PAM: variants seen among roughly 807,000 people sequenced by gnomAD.
PAM encodes peptidylglycine alpha-amidating monooxygenase, also known as peptidyl-glycine alpha-amidating monooxygenase.
In PAM, 72 loss-of-function variants were observed where a neutral mutation model predicts 122.1. The observed-to-expected ratio is 0.59, with a 90% confidence interval of 0.49 to 0.72. PAM has a LOEUF of 0.72. PAM is among the 30% of genes least tolerant of loss of function. PAM has a pLI of 0.00. For missense variants in PAM, 1,106 were observed against 1,183.7 expected, an observed-to-expected ratio of 0.93 and a Z score of 0.96; for synonymous variants, 389 against 404.4, an observed-to-expected ratio of 0.96 and a Z score of 0.46.
chr5:102,830,368 C>T (rs1775065609), intron 1 of PAM, among the ~76,000 whole-genome samples: 1 of 152,138 alleles, frequency 6.6e-6, no homozygotes, highest in Non-Finnish European at 1.5e-5. Context: ...TGGCTTATTT[C>T]ACCACTGTAC....
chr5:102,877,687 T>G (rs949085825), intron 3 of PAM, among the ~76,000 whole-genome samples: 2 of 152,120 alleles, frequency 1.3e-5, no homozygotes, highest in African/African-American at 4.8e-5. Context: ...AGAGAAAAAT[T>G]TATACACTAT....
chr5:102,962,119 A>C (rs1421442132), intron 14 of PAM, among the ~76,000 whole-genome samples: 1 of 151,794 alleles, frequency 6.6e-6, no homozygotes, highest in Non-Finnish European at 1.5e-5. Flanking sequence ...CAAAAATATC[A>C]CTCTTGTATG....
rs1286045373 is a variant in PAM, at chr5:102,915,592, T to G, written c.356+1571T>G. On this transcript the variant is annotated intron_variant, in intron 5 of 25. Transcript: ENST00000438793. Reference sequence around the variant, plus strand: ...ATTCTGTGACAGCTTTTCCTGAATCTTATTCAGTAAATCACATCCTTTGGT... The same window carrying G: ...ATTCTGTGACAGCTTTTCCTGAATCGTATTCAGTAAATCACATCCTTTGGT... Among the ~76,000 whole-genome samples, 2 of 152,208 alleles carry G rather than the reference T, an allele frequency of 1.3e-5. 1 individual carries two copies. Among genetic ancestry groups the G allele is most frequent in the Non-Finnish European group, 2.9e-5 (2 of 68,034 alleles).
At chr5:102,884,603 CTT>C (rs932623451) in intron 3 of PAM, among the ~76,000 whole-genome samples, 8 of 151,994 alleles carry the variant, frequency 5.3e-5, no homozygotes, top group South Asian at 2.1e-4. Context: ...GAAAAATTCT[CTT>C]TGTTTCACTT....
chr5:102,914,389 A>G (rs1391596837), intron 5 of PAM, among the ~76,000 whole-genome samples: 1 of 152,086 alleles, frequency 6.6e-6, no homozygotes, highest in Non-Finnish European at 1.5e-5. Context: ...AAACTCCAGC[A>G]TCACACAATA....
At chr5:102,925,991 C>G (rs1332822838) in intron 6 of PAM, among the ~76,000 whole-genome samples, 3 of 152,142 alleles carry the variant, frequency 2.0e-5, no homozygotes, top group South Asian at 4.2e-4. Flanking sequence ...AAAAGTAATG[C>G]CACTTAAATG....
chr5:102,955,795 C>T (rs2150152650), intron 12 of PAM, among the ~76,000 whole-genome samples: 2 of 151,770 alleles, frequency 1.3e-5, no homozygotes, highest in East Asian at 3.9e-4. Flanking sequence ...AGTTGAATTG[C>T]ATATGTTGAT....
At chr5:102,930,078 G>GT (rs908796353) in intron 7 of PAM, among the ~76,000 whole-genome samples, 2 of 151,900 alleles carry the variant, frequency 1.3e-5, no homozygotes, top group Admixed American at 6.6e-5. Flanking sequence ...GCTTTACTTT[G>GT]TTTTTTTGTT....
chr5:102,902,763 G>T (rs1798362059), intron 4 of PAM, among the ~76,000 whole-genome samples: 1 of 151,306 alleles, frequency 6.6e-6, no homozygotes, highest in Non-Finnish European at 1.5e-5. Context: ...AAGTTCAGGG[G>T]TTGTTTTGAG....
intron 15 of PAM, among the ~76,000 whole-genome samples, chr5:102,985,388 C>A (rs1771457114): frequency 6.6e-6 from 1 of 151,848 alleles, no homozygotes; most frequent in Non-Finnish European, 1.5e-5. Context: ...GGCATAGCAA[C>A]AAATACCACA....
chr5:102,908,404 T>C (rs1800279714), intron 4 of PAM, among the ~76,000 whole-genome samples: 1 of 151,880 alleles, frequency 6.6e-6, no homozygotes, highest in Non-Finnish European at 1.5e-5. Context: ...AGTCAGGTAG[T>C]GTGATGCCTC....
At chr5:102,843,370 A>T (rs1483456846) in intron 1 of PAM, among the ~76,000 whole-genome samples, 1 of 152,206 alleles carries the variant, frequency 6.6e-6, no homozygotes. Flanking sequence ...ACAAAAACGA[A>T]CACAAAATAG....
chr5:102,848,176 T>TC (rs998729702), intron 1 of PAM, among the ~76,000 whole-genome samples: 15 of 152,140 alleles, frequency 9.9e-5, no homozygotes, highest in Admixed American at 3.9e-4. Flanking sequence ...CTTTTTTTTT[T>TC]CTCTAAGCAG....
intron 1 of PAM, among the ~76,000 whole-genome samples, chr5:102,780,741 TTTTCTTTCTTTCTCTTTC>T (rs1432523307): frequency 6.8e-6 from 1 of 146,034 alleles, no homozygotes; most frequent in Non-Finnish European, 1.5e-5. Context: ...CTCAGCACCT[TTTTCTTTCTTTCTCTTTC>T]TTTCTTTCTT....
intron 7 of PAM, among the ~76,000 whole-genome samples, chr5:102,937,423 C>T (rs1003959167): frequency 6.6e-6 from 1 of 152,264 alleles, no homozygotes; most frequent in African/African-American, 2.4e-5. Context: ...GCACGAAACG[C>T]CATGGCCTCT....
chr5:102,861,545 A>G (rs143848984), intron 1 of PAM, among the ~76,000 whole-genome samples: 4,045 of 152,314 alleles, frequency 0.027, 62 homozygotes, highest in Non-Finnish European at 0.037. Context: ...TGGAGATATG[A>G]CAGCTCTCTT....
At chr5:102,936,185 G>T (rs1753192845) in intron 7 of PAM, among the ~76,000 whole-genome samples, 1 of 152,102 alleles carries the variant, frequency 6.6e-6, no homozygotes. Context: ...GTGATGTCAT[G>T]TTGGTAGCTT....
chr5:102,953,903 C>T (rs1410404695), intron 12 of PAM, among the ~76,000 whole-genome samples: 1 of 152,106 alleles, frequency 6.6e-6, no homozygotes, highest in Non-Finnish European at 1.5e-5. Context: ...ATCCCAGCTA[C>T]TTGGGAGGCT....
intron 15 of PAM, among the ~76,000 whole-genome samples, chr5:102,988,690 G>T (rs1011050672): frequency 2.3e-5 from 3 of 129,202 alleles, no homozygotes; most frequent in Non-Finnish European, 1.8e-5. Flanking sequence ...AAAGAAAGAA[G>T]GAAAGAAAGA....
Sources: allele counts gnomAD v4.1 joint callset (sites outside exome capture counted in the v4.1 genomes callset), GRCh38; gene constraint gnomAD v4.1.1; transcripts MANE v1.5; gene names NCBI Gene and HGNC (gene_info 2026-07-23, HGNC 2026-07-21).